The following SLC30A8 variants were observed in gnomAD, a reference collection of about 807,000 sequenced individuals.
SLC30A8 encodes the protein proton-coupled zinc antiporter SLC30A8.
Under a neutral mutation model 36.9 loss-of-function variants are expected in SLC30A8, and 27 were observed. That is an observed-to-expected ratio of 0.73 (90% confidence interval 0.54 to 1.01). The LOEUF is 1.01. SLC30A8 is among the 50% of genes least tolerant of loss of function. SLC30A8 has a pLI of 0.00. For missense variants in SLC30A8, 439 were observed against 452.0 expected (o/e 0.97, Z 0.26); for synonymous variants, 164 against 172.4 (o/e 0.95, Z 0.38).
intron 1 of SLC30A8, among the ~76,000 whole-genome samples, chr8:116,992,785 G>C (rs1266035415): frequency 1.3e-5 from 2 of 152,160 alleles, no homozygotes; most frequent in Non-Finnish European, 2.9e-5. Context: ...ATATCTAAGA[G>C]TTGAACAAAG....
intron 1 of SLC30A8, among the ~76,000 whole-genome samples, chr8:117,146,058 G>A (rs1038773150): frequency 6.6e-6 from 1 of 152,094 alleles, no homozygotes; most frequent in Non-Finnish European, 1.5e-5. Flanking sequence ...TGATAGATCT[G>A]TGAGATGACT....
intron 2 of SLC30A8, among the ~76,000 whole-genome samples, chr8:117,068,941 C>T (rs1002250232): frequency 6.6e-6 from 1 of 152,154 alleles, no homozygotes; most frequent in African/African-American, 2.4e-5. Context: ...ACCTCTCTCT[C>T]ACCTTTAACT....
intron 2 of SLC30A8, among the ~76,000 whole-genome samples, chr8:117,047,743 G>T (rs1817595903): frequency 6.6e-6 from 1 of 152,146 alleles, no homozygotes; most frequent in Non-Finnish European, 1.5e-5. Context: ...CTACTGGGCT[G>T]CATTCCCAGA....
intron 2 of SLC30A8, among the ~76,000 whole-genome samples, chr8:117,056,699 G>C (rs190873495): frequency 6.6e-6 from 1 of 152,200 alleles, no homozygotes; most frequent in Non-Finnish European, 1.5e-5. Flanking sequence ...TTTAGTTTTT[G>C]GGGACAGAGA....
intron 1 of SLC30A8, among the ~76,000 whole-genome samples, chr8:117,137,638 C>T (rs531389555): frequency 6.6e-6 from 1 of 151,982 alleles, no homozygotes; most frequent in South Asian, 2.1e-4. Flanking sequence ...TTGGCTTTTG[C>T]CTGGGGCGGG....
At chr8:117,044,305 A>G (rs1817479232) in intron 2 of SLC30A8, among the ~76,000 whole-genome samples, 1 of 152,222 alleles carries the variant, frequency 6.6e-6, no homozygotes, top group Non-Finnish European at 1.5e-5. Context: ...TTGTTTATTC[A>G]TTGGACAAAT....
intron 2 of SLC30A8, among the ~76,000 whole-genome samples, chr8:117,127,204 C>G (rs570180815): frequency 2.4e-4 from 36 of 149,642 alleles, no homozygotes; most frequent in Non-Finnish European, 2.2e-4. Flanking sequence ...ATTTTTGAAA[C>G]CTAGGAAAAA....
chr8:117,074,371 A>G (rs1020925528), intron 2 of SLC30A8, among the ~76,000 whole-genome samples: 1 of 152,178 alleles, frequency 6.6e-6, no homozygotes, highest in African/African-American at 2.4e-5. Flanking sequence ...GAATTTGGGC[A>G]AGTTTTATGT....
intron 2 of SLC30A8, among the ~76,000 whole-genome samples, chr8:117,095,015 C>G (rs1359575360): frequency 6.6e-6 from 1 of 152,206 alleles, no homozygotes. Flanking sequence ...AGGAGCAGGC[C>G]AGGCAGCGGG....
chr8:117,086,226 G>A (rs899402301), intron 2 of SLC30A8, among the ~76,000 whole-genome samples: 5 of 152,124 alleles, frequency 3.3e-5, no homozygotes, highest in African/African-American at 1.2e-4. Context: ...CCCAGTAAGC[G>A]TCAAGAGGCT....
At chr8:117,007,947 G>C (rs539431474) in intron 1 of SLC30A8, among the ~76,000 whole-genome samples, 16 of 152,208 alleles carry the variant, frequency 1.1e-4, no homozygotes, top group African/African-American at 3.6e-4. Flanking sequence ...GGGAAGGAGA[G>C]ACAAAAGAAA....
intron 1 of SLC30A8, among the ~76,000 whole-genome samples, chr8:117,036,778 G>A (rs1817228577): frequency 6.6e-6 from 1 of 152,332 alleles, no homozygotes; most frequent in African/African-American, 2.4e-5. Context: ...AGTGTGAGAT[G>A]AGATTTGGGT....
intron 1 of SLC30A8, among the ~76,000 whole-genome samples, chr8:117,034,750 A>G (rs899526193): frequency 2.6e-5 from 4 of 152,194 alleles, no homozygotes; most frequent in Admixed American, 6.5e-5. Context: ...GGTAATTTAT[A>G]AAGAAAAGAG....
intron 1 of SLC30A8, among the ~76,000 whole-genome samples, chr8:116,984,917 A>C (rs1193281890): frequency 2.6e-5 from 4 of 151,904 alleles, no homozygotes; most frequent in Non-Finnish European, 4.4e-5. Flanking sequence ...CAAGACTATG[A>C]ACCCTTTTCT....
chr8:117,126,451 T>C (rs573710525), intron 2 of SLC30A8, among the ~76,000 whole-genome samples: 1 of 152,116 alleles, frequency 6.6e-6, no homozygotes, highest in South Asian at 2.1e-4. Context: ...GGTTGGTGAA[T>C]GGTACCCAAG....
chr8:117,006,772 ATTTTTTTTTTTTTTTTT>A (rs71305456), intron 1 of SLC30A8, among the ~76,000 whole-genome samples: 35 of 78,968 alleles, frequency 4.4e-4, no homozygotes, highest in African/African-American at 1.6e-3. Context: ...GAGTCAGGTA[ATTTTTTTTTTTTTTTTT>A]TTTTTTTTTT....
At chr8:116,981,665 G>A (rs1815267431) in intron 1 of SLC30A8, among the ~76,000 whole-genome samples, 1 of 152,112 alleles carries the variant, frequency 6.6e-6, no homozygotes, top group Admixed American at 6.6e-5. Flanking sequence ...AGAACATGTG[G>A]TATTTGACTT....
At chr8:117,145,025 T>C (rs1821837405) in intron 1 of SLC30A8, among the ~76,000 whole-genome samples, 3 of 152,158 alleles carry the variant, frequency 2.0e-5, no homozygotes, top group Admixed American at 6.6e-5. Flanking sequence ...AATACATAGT[T>C]TGATTACTTT....
chr8:117,047,986 A>G (rs1419046091), intron 2 of SLC30A8, among the ~76,000 whole-genome samples: 2 of 152,242 alleles, frequency 1.3e-5, no homozygotes, highest in Non-Finnish European at 2.9e-5. Flanking sequence ...AAGAGGAAGC[A>G]TGAATTATCT....
Sources: gnomAD v4.1 joint callset for allele counts (sites outside exome capture counted in the v4.1 genomes callset) on GRCh38, gnomAD v4.1.1 for gene constraint, MANE v1.5 for transcripts, NCBI Gene and HGNC (gene_info 2026-07-23, HGNC 2026-07-21) for gene names.